The following C8orf34 variants were observed in gnomAD, a reference collection of about 807,000 sequenced individuals.
The protein encoded by C8orf34 is chromosome 8 open reading frame 34.
In C8orf34, 65 loss-of-function variants were observed where a neutral mutation model predicts 68.3. The ratio of observed to expected loss-of-function variants is 0.95; its 90% CI spans 0.78 to 1.17. The LOEUF (loss-of-function observed/expected upper bound fraction) is 1.17, where lower values mean the gene tolerates loss of function less well. Among genes scored for constraint, C8orf34 ranks in the 50% most tolerant of loss-of-function variants. The pLI, the probability that C8orf34 is intolerant of heterozygous loss-of-function variation, is 0.00. For missense variants in C8orf34, 664 were observed against 655.4 expected (o/e 1.01, Z -0.14); for synonymous variants, 244 against 241.2 (o/e 1.01, Z -0.11).
At chr8:68,645,829 C>T (rs998943539) in intron 8 of C8orf34, among the ~76,000 whole-genome samples, 3 of 151,962 alleles carry the variant, frequency 2.0e-5, no homozygotes, top group African/African-American at 7.3e-5. Flanking sequence ...TTCAAATACT[C>T]CACTGGTTGT....
chr8:68,357,513 G>T (rs917982153), intron 1 of C8orf34, among the ~76,000 whole-genome samples: 1 of 152,108 alleles, frequency 6.6e-6, no homozygotes, highest in Non-Finnish European at 1.5e-5. Flanking sequence ...TTCATCAGTG[G>T]TTCAGTTTTA....
At chr8:68,682,744 A>G (rs1820406064) in intron 8 of C8orf34, among the ~76,000 whole-genome samples, 1 of 150,964 alleles carries the variant, frequency 6.6e-6, no homozygotes, top group South Asian at 2.1e-4. Context: ...AATGTGCACC[A>G]AAGTGTTATT....
At chr8:68,501,136 T>C (rs111835955) in intron 5 of C8orf34, among the ~76,000 whole-genome samples, 3,109 of 152,200 alleles carry the variant, frequency 0.02, 111 homozygotes, top group African/African-American at 0.07. Flanking sequence ...CAAGCCCAAG[T>C]TCAAGCTGAG....
chr8:68,621,603 C>T (rs957140218), intron 7 of C8orf34, among the ~76,000 whole-genome samples: 6 of 152,158 alleles, frequency 3.9e-5, no homozygotes, highest in Non-Finnish European at 8.8e-5. Context: ...GTCTTTAATT[C>T]ATAATTTTGC....
intron 8 of C8orf34, among the ~76,000 whole-genome samples, chr8:68,673,877 G>C (rs1278143787): frequency 6.6e-6 from 1 of 152,156 alleles, no homozygotes; most frequent in Non-Finnish European, 1.5e-5. Context: ...TCCCAGCTGT[G>C]GTGACCACAG....
rs577319586 is a variant in C8orf34, at chr8:68,785,439, A to G, written c.1456-2004A>G. Among the ~76,000 whole-genome samples, 18 of 152,270 alleles carry G rather than the reference A, an allele frequency of 1.2e-4. No individual in the cohort carries two copies. In the East Asian group the frequency reaches 1.5e-3, roughly 13 times the overall value. ...TACTGTTTGTTCATTTCCAGAGTAC[A>G]TATATAGTGGTTTCAGAATTGTTAA... On this transcript the variant is annotated intron_variant, in intron 11 of 13. Transcript: ENST00000518698.
At chr8:68,575,430 C>T (rs1816873612) in intron 7 of C8orf34, among the ~76,000 whole-genome samples, 1 of 152,034 alleles carries the variant, frequency 6.6e-6, no homozygotes, top group Non-Finnish European at 1.5e-5. Flanking sequence ...CTGTCACTTC[C>T]TGACGTATTT....
intron 8 of C8orf34, among the ~76,000 whole-genome samples, chr8:68,705,507 C>T (rs552987939): frequency 4.6e-5 from 7 of 152,148 alleles, no homozygotes; most frequent in African/African-American, 1.7e-4. Flanking sequence ...ATGCAAATTT[C>T]CCATTGTGCA....
chr8:68,503,415 T>G (rs1563491007), intron 5 of C8orf34, among the ~76,000 whole-genome samples: 1 of 152,086 alleles, frequency 6.6e-6, no homozygotes, highest in Non-Finnish European at 1.5e-5. Flanking sequence ...CAGATAAAAA[T>G]GAAGTGAGTT....
intron 1 of C8orf34, among the ~76,000 whole-genome samples, chr8:68,407,155 A>AT (rs1035861955): frequency 1.1e-4 from 17 of 151,792 alleles, no homozygotes; most frequent in Non-Finnish European, 5.9e-5. Flanking sequence ...CTATATTACA[A>AT]TTTTTTTTCT....
intron 3 of C8orf34, among the ~76,000 whole-genome samples, chr8:68,451,445 T>C (rs1217599124): frequency 6.6e-6 from 1 of 152,156 alleles, no homozygotes; most frequent in Non-Finnish European, 1.5e-5. Context: ...CTTTCCTCAC[T>C]AAGCTTAATC....
intron 11 of C8orf34, among the ~76,000 whole-genome samples, chr8:68,777,589 A>G (rs1234500857): frequency 1.3e-5 from 2 of 152,186 alleles, no homozygotes; most frequent in Non-Finnish European, 2.9e-5. Context: ...AAGAAATACA[A>G]AATCTTGGGG....
chr8:68,640,232 T>C (rs1818963863), intron 7 of C8orf34, 144 bp from the exon 8 acceptor site: 1 of 670,468 alleles, frequency 1.5e-6, no homozygotes, highest in Admixed American at 3.0e-5. Context: ...TGAAAAATAA[T>C]TGATATATGT....
intron 7 of C8orf34, among the ~76,000 whole-genome samples, chr8:68,556,547 G>A (rs148842260): frequency 7.4e-4 from 113 of 152,140 alleles, no homozygotes; most frequent in African/African-American, 2.3e-3. Context: ...CACAAGTCAG[G>A]AGGCATAGCC....
intron 1 of C8orf34, among the ~76,000 whole-genome samples, chr8:68,409,597 A>G (rs887268508): frequency 1.6e-4 from 25 of 152,220 alleles, no homozygotes; most frequent in Non-Finnish European, 7.3e-5. Flanking sequence ...TTAAAGGTTT[A>G]TAAAGTAAAA....
intron 3 of C8orf34, among the ~76,000 whole-genome samples, chr8:68,461,990 A>G (rs1356031209): frequency 6.6e-6 from 1 of 152,202 alleles, no homozygotes; most frequent in Non-Finnish European, 1.5e-5. Flanking sequence ...AAAGACACAG[A>G]CTAGCAAATT....
chr8:68,611,467 C>A (rs1818021423), intron 7 of C8orf34, among the ~76,000 whole-genome samples: 1 of 152,002 alleles, frequency 6.6e-6, no homozygotes, highest in South Asian at 2.1e-4. Context: ...GGATGCATTT[C>A]ATAAATACTT....
intron 7 of C8orf34, among the ~76,000 whole-genome samples, chr8:68,553,475 G>A (rs949359590): frequency 1.6e-4 from 24 of 151,414 alleles, no homozygotes; most frequent in African/African-American, 5.6e-4. Context: ...TAAATGTTTG[G>A]CAGAATTCTC....
chr8:68,786,819 A>C (rs539399238), intron 11 of C8orf34, among the ~76,000 whole-genome samples: 17 of 152,236 alleles, frequency 1.1e-4, no homozygotes, highest in Non-Finnish European at 2.2e-4. Flanking sequence ...GTGCTCTGGC[A>C]GATGACTGGT....
Sources: gnomAD v4.1 joint callset for allele counts (sites outside exome capture counted in the v4.1 genomes callset) on GRCh38, gnomAD v4.1.1 for gene constraint, MANE v1.5 for transcripts, NCBI Gene and HGNC (gene_info 2026-07-23, HGNC 2026-07-21) for gene names.